SBNO2: variants seen among roughly 807,000 people sequenced by gnomAD.
The protein encoded by SBNO2 is strawberry notch homolog 2.
SBNO2 carries 89 observed loss-of-function variants against 146.3 expected under a neutral mutation model. That is an observed-to-expected ratio of 0.61 (90% CI 0.51 to 0.73). The LOEUF (loss-of-function observed/expected upper bound fraction) is 0.73, where lower values mean the gene tolerates loss of function less well. Ranked by LOEUF, SBNO2 falls within the 30% of genes least tolerant of loss-of-function variation. The probability of loss-of-function intolerance (pLI) is 0.00; values close to 1 mark genes in which losing one functional copy is unlikely to be tolerated. For missense variants in SBNO2, 2,092 were observed against 2,003.7 expected (o/e 1.04, Z -0.84); for synonymous variants, 1,147 against 892.6 (o/e 1.29, Z -5.08).
At chr19:1,132,167 AG>A in intron 4 of SBNO2, 1 of 1,447,628 alleles carries the variant, frequency 6.9e-7, no homozygotes, top group Non-Finnish European at 9.1e-7. Flanking sequence ...GGGGTCCCCC[AG>A]GAAGCGCTGC....
chr19:1,132,433 C>CAGGACCAGCCCCCTTTGGGGCACCCGGCG (rs2080041867), intron 4 of SBNO2, among the ~76,000 whole-genome samples: 2 of 152,216 alleles, frequency 1.3e-5, no homozygotes, highest in African/African-American at 4.8e-5. Context: ...CAACCCCACC[C>CAGGACCAGCCCCCTTTGGGGCACCCGGCG]GTGCCCCGCC....
At chr19:1,125,886 C>G (rs1212753474) in intron 5 of SBNO2, among the ~76,000 whole-genome samples, 3 of 151,144 alleles carry the variant, frequency 2.0e-5, no homozygotes, top group African/African-American at 7.3e-5. Flanking sequence ...CCCAGCTACT[C>G]GAGAGGCTGA....
chr19:1,123,526 C>T lies in SBNO2; in HGVS notation c.628+8G>A, dbSNP rs879356. The T allele has an allele frequency of 8.2e-3, 13,144 of 1,611,594 alleles. 1,003 individuals are homozygous for T. The African/African-American group carries it at 0.16, about 19-fold the overall frequency. On this transcript the variant is annotated splice_region_variant and intron_variant, in intron 7 of 31. Coordinates refer to ENST00000361757, the MANE Select transcript of SBNO2 (RefSeq NM_014963.3). ...TGTCCCAGGGCTGGGTGCAGCCGGGCCACTCACACTTGGACGGCACGTAGT... is the reference window on the plus strand; with the variant it reads ...TGTCCCAGGGCTGGGTGCAGCCGGGTCACTCACACTTGGACGGCACGTAGT...
chr19:1,121,453 C>T (rs1230128484), intron 11 of SBNO2, among the ~76,000 whole-genome samples: 1 of 152,216 alleles, frequency 6.6e-6, no homozygotes, highest in African/African-American at 2.4e-5. Flanking sequence ...AAAGCCATGG[C>T]CATGTCCTGT....
At chr19:1,147,818 C>T (rs778871162) in intron 3 of SBNO2, among the ~76,000 whole-genome samples, 7 of 152,086 alleles carry the variant, frequency 4.6e-5, no homozygotes, top group African/African-American at 9.7e-5. Context: ...ACTCCCGCCT[C>T]GAAGGAGGAG....
intron 1 of SBNO2, among the ~76,000 whole-genome samples, chr19:1,163,770 C>T (rs997213914): frequency 2.0e-5 from 3 of 152,214 alleles, no homozygotes; most frequent in African/African-American, 4.8e-5. Context: ...TGCTGGGGGA[C>T]GGCCCCTCAA....
chr19:1,122,468 C>T lies in SBNO2; in HGVS notation c.1005G>A (p.Lys335=). The T allele has an allele frequency of 1.3e-6, 2 of 1,570,316 alleles. No individual in the cohort carries two copies. Among genetic ancestry groups the T allele is most frequent in the Non-Finnish European group, 8.6e-7 (1 of 1,159,838 alleles). The change falls in exon 10 of 32, where the codon AAG becomes AAA. Residue 335 remains lysine (K), a splice_region_variant and synonymous_variant. Coordinates refer to ENST00000361757, the MANE Select transcript of SBNO2 (RefSeq NM_014963.3). ...ATGIAVHALS[K]IKYGDTTTSE... is the part of the protein sequence containing the mutation. ...CTACTTTGCCGAGCACAGCCCCTAC[C>T]TTGCTGAGCGCGTGCACCGCGATGC...
In SBNO2 at chr19:1,157,442, G is replaced by A. The variant is rs950678763; in HGVS notation, c.-126-3040C>T. ...GACCCTCTCCCCACGCGGCCCCGGT[G>A]ACACGGCCCACCCCGAGCCTCAGAG... On this transcript the variant is annotated intron_variant, in intron 1 of 31. Coordinates refer to ENST00000361757, the MANE Select transcript of SBNO2 (RefSeq NM_014963.3). This position sits in a 1 kb window ranked among gnomAD's most constrained non-coding sequence, Gnocchi z 6.8. Among the ~76,000 whole-genome samples the A allele has an allele frequency of 6.6e-6, 1 of 152,068 alleles. No individual in the cohort carries two copies. Among genetic ancestry groups the A allele is most frequent in the African/African-American group, 2.4e-5 (1 of 41,380 alleles).
At chr19:1,153,602 G>A (rs988354303) in intron 2 of SBNO2, among the ~76,000 whole-genome samples, 33 of 146,696 alleles carry the variant, frequency 2.2e-4, no homozygotes, top group Admixed American at 6.8e-4. Context: ...CAGTGGCGCC[G>A]TCTCCACTCA....
rs1161298826 is a variant in SBNO2 at position 1,126,504 on chromosome 19, A to G, written c.441+1100T>C. Among the ~76,000 whole-genome samples, 1 of 152,024 alleles carries G rather than the reference A, an allele frequency of 6.6e-6. No individual in the cohort carries two copies. Among genetic ancestry groups the G allele is most frequent in the Non-Finnish European group, 1.5e-5 (1 of 67,980 alleles). On this transcript the variant is annotated intron_variant, in intron 5 of 31. Transcript: ENST00000361757. This position sits in a 1 kb window ranked among gnomAD's most constrained non-coding sequence, Gnocchi z 4.4. ...AAATGCTCTGCTGGGCCCTTGTGCCAGAGGGACCAAGCCTGAGCCGCCCAC... is the reference window on the plus strand; with the variant it reads ...AAATGCTCTGCTGGGCCCTTGTGCCGGAGGGACCAAGCCTGAGCCGCCCAC...
Position 1,157,789 on chromosome 19 carries a change from G to C in SBNO2, c.-126-3387C>G, listed in dbSNP as rs1413074221. 6.6e-6 allele frequency among the ~76,000 whole-genome samples: 1 copy of C among 150,962 alleles called. No individual in the cohort carries two copies. Among genetic ancestry groups the C allele is most frequent in the Non-Finnish European group, 1.5e-5 (1 of 68,004 alleles). ...GATCCGGGAGAATCCGAGGAACCGG[G>C]TAACTGTGTCCGCCTCCCAGCTCTC... On this transcript the variant is annotated intron_variant, in intron 1 of 31. Transcript: ENST00000361757. This position sits in a 1 kb window ranked among gnomAD's most constrained non-coding sequence, Gnocchi z 6.8.
rs1169868976 is a variant in SBNO2, at chr19:1,172,354, C to T, written c.-127+1818G>A. 3.3e-5 allele frequency among the ~76,000 whole-genome samples: 5 copies of T among 152,326 alleles called. No homozygotes were observed. In the East Asian group the frequency reaches 5.8e-4, roughly 18 times the overall value. ...CTCGGCAAGAACTCTGAAGGTGGCC[C>T]GGAGCAGGCCACTGTGAGAAGCCAT... is the stretch of plus-strand genomic sequence containing the variant. On this transcript the variant is annotated intron_variant, in intron 1 of 31. Transcript: ENST00000361757.
chr19:1,153,214 C>A (rs1470865124), intron 2 of SBNO2, among the ~76,000 whole-genome samples: 1 of 150,500 alleles, frequency 6.6e-6, no homozygotes, highest in Non-Finnish European at 1.5e-5. Flanking sequence ...TATATATACA[C>A]GTTTATATAT....
intron 5 of SBNO2, chr19:1,127,397 C>A (rs1235013681): frequency 1.7e-6 from 1 of 598,508 alleles, no homozygotes; most frequent in African/African-American, 1.9e-5. Context: ...CCACAGATGT[C>A]CTGGACGTCG....
rs1013086052 is a variant in SBNO2, at chr19:1,173,844, G to A, written c.-127+328C>T. On this transcript the variant is annotated intron_variant, in intron 1 of 31. Transcript: ENST00000361757. This position sits in a 1 kb window ranked among gnomAD's most constrained non-coding sequence, Gnocchi z 4.7. ...AGCTGCGCGGTACAGGGAGTCACCC[G>A]GAAGAGCGGGAAGGAAAGGTTGGGA... is the stretch of plus-strand genomic sequence containing the variant. 2 of 151,882 alleles carry A rather than the reference G, an allele frequency of 1.3e-5. No individual in the cohort carries two copies. Among genetic ancestry groups the A allele is most frequent in the African/African-American group, 2.4e-5 (1 of 41,278 alleles). 9.4% of individuals were successfully genotyped at this position (151,882 alleles called of 1,614,324 possible).
At chr19:1,139,668 A>C (rs2080117388) in intron 4 of SBNO2, among the ~76,000 whole-genome samples, 1 of 150,954 alleles carries the variant, frequency 6.6e-6, no homozygotes, top group African/African-American at 2.4e-5. Context: ...GGTGGCGCAC[A>C]CCTGTAATCC....
At chr19:1,147,664 G>A (rs1312159565) in intron 3 of SBNO2, among the ~76,000 whole-genome samples, 8 of 152,014 alleles carry the variant, frequency 5.3e-5, no homozygotes, top group Admixed American at 2.6e-4. Context: ...CGGAACAGCC[G>A]CCTGGTGGGC....
In SBNO2 at chr19:1,116,882, C is replaced by G. The variant is rs749005949; in HGVS notation, c.1749G>C (p.Arg583=). The change falls in exon 16 of 32, where the codon CGG becomes CGC. Residue 583 remains arginine (R), a synonymous_variant. Transcript: ENST00000361757. ...GLQSTGEART[R]EVLGENDGHL... ...GCCCATCGTTCTCCCCCAGCACCTC[C>G]CGCGTGCGCGCCTCGCCCGTGGACT... 8.8e-5 allele frequency: 140 copies of G among 1,584,494 alleles called. No homozygotes were observed. Among genetic ancestry groups the G allele is most frequent in the Non-Finnish European group, 1.1e-4 (134 of 1,169,078 alleles).
intron 1 of SBNO2, among the ~76,000 whole-genome samples, chr19:1,163,422 G>A (rs1044778050): frequency 5.3e-5 from 8 of 152,190 alleles, no homozygotes; most frequent in African/African-American, 1.9e-4. Flanking sequence ...GTGGCCTCCA[G>A]GACAGGGACA....
Sources: gnomAD v4.1 joint callset for allele counts (sites outside exome capture counted in the v4.1 genomes callset) on GRCh38, gnomAD v4.1.1 for gene constraint, Gnocchi (gnomAD v3.1) non-coding constraint, MANE v1.5 for transcripts, NCBI Gene and HGNC (gene_info 2026-07-23, HGNC 2026-07-21) for gene names.